The following CYRIA variants were observed in gnomAD, a reference collection of about 807,000 sequenced individuals.
CYRIA encodes CYFIP-related Rac1 interactor A.
CYRIA carries 15 observed loss-of-function variants against 43.9 expected under a neutral mutation model. That is an observed-to-expected ratio of 0.34 (90% CI 0.23 to 0.53). The LOEUF (loss-of-function observed/expected upper bound fraction) is 0.53. CYRIA is among the 20% of genes least tolerant of loss of function. CYRIA has a pLI of 0.94. For missense variants in CYRIA, 236 were observed against 394.2 expected (o/e 0.60, Z 3.40); for synonymous variants, 117 against 136.0 (o/e 0.86, Z 0.97).
intron 9 of CYRIA, 197 bp downstream of exon 9, chr2:16,560,793 T>G (rs1472416222): frequency 2.0e-5 from 12 of 590,588 alleles, no homozygotes. Context: ...GTCAACCACT[T>G]TGGGCCTCAG....
chr2:16,562,774 C>T (rs1666787565), intron 5 of CYRIA, among the ~76,000 whole-genome samples: 1 of 152,104 alleles, frequency 6.6e-6, no homozygotes, highest in Non-Finnish European at 1.5e-5. Context: ...CAAGGTATGA[C>T]CCATCAGCCA....
intron 2 of CYRIA, among the ~76,000 whole-genome samples, chr2:16,605,785 C>A (rs1395329326): frequency 6.6e-6 from 1 of 152,182 alleles, no homozygotes; most frequent in Non-Finnish European, 1.5e-5. Context: ...CTTCAGAATT[C>A]ATTCTCAAGT....
At chr2:16,638,568 TG>T (rs1409146394) in intron 1 of CYRIA, among the ~76,000 whole-genome samples, 1 of 152,092 alleles carries the variant, frequency 6.6e-6, no homozygotes, top group African/African-American at 2.4e-5. Flanking sequence ...TGAGGAACTC[TG>T]CATGAAGGGG....
intron 7 of CYRIA, 45 bp from the exon 8 acceptor site, chr2:16,561,322 C>G (rs1452018483): frequency 6.7e-7 from 1 of 1,499,294 alleles, no homozygotes; most frequent in Non-Finnish European, 9.3e-7. Context: ...AGAGAAAGTC[C>G]AAATCCTCCA....
intron 2 of CYRIA, among the ~76,000 whole-genome samples, chr2:16,599,597 C>T (rs1490272440): frequency 8.5e-5 from 12 of 140,366 alleles, no homozygotes; most frequent in Admixed American, 1.4e-4. Context: ...GGCTCGCGCA[C>T]GGTGCGCACA....
intron 1 of CYRIA, among the ~76,000 whole-genome samples, chr2:16,633,438 G>A (rs919143868): frequency 2.6e-5 from 4 of 151,874 alleles, no homozygotes; most frequent in Admixed American, 2.6e-4. Flanking sequence ...TTTTGAGACA[G>A]GGTCTCGTTC....
intron 2 of CYRIA, among the ~76,000 whole-genome samples, chr2:16,616,515 T>C (rs942925340): frequency 6.6e-6 from 1 of 152,158 alleles, no homozygotes; most frequent in East Asian, 1.9e-4. Flanking sequence ...GCCTCTGGAA[T>C]CCTAAGACCT....
intron 2 of CYRIA, among the ~76,000 whole-genome samples, chr2:16,606,910 A>T (rs10200573): frequency 0.21 from 31,199 of 152,002 alleles, 4,127 homozygotes; most frequent in African/African-American, 0.37. Context: ...TCCCAGGTCA[A>T]ATTTATTTTG....
chr2:16,635,380 T>G (rs1286332488), intron 1 of CYRIA, among the ~76,000 whole-genome samples: 2 of 152,172 alleles, frequency 1.3e-5, no homozygotes, highest in African/African-American at 2.4e-5. Flanking sequence ...GCAGGAACCC[T>G]GGGAGGGCAG....
chr2:16,584,922 C>T (rs1363457308), intron 3 of CYRIA, among the ~76,000 whole-genome samples: 2 of 152,110 alleles, frequency 1.3e-5, no homozygotes, highest in African/African-American at 2.4e-5. Flanking sequence ...TTTTTCCTTC[C>T]TTACTGTCAT....
At chr2:16,653,334 C>T (rs1489108355) in intron 1 of CYRIA, among the ~76,000 whole-genome samples, 1 of 152,220 alleles carries the variant, frequency 6.6e-6, no homozygotes, top group East Asian at 1.9e-4. Flanking sequence ...TTGGCCCTCG[C>T]TGAGGCTCAG....
At chr2:16,647,137 C>T (rs542443904) in intron 1 of CYRIA, among the ~76,000 whole-genome samples, 64 of 152,262 alleles carry the variant, frequency 4.2e-4, no homozygotes, top group African/African-American at 1.5e-3. Flanking sequence ...TTAATGCATA[C>T]CAGGTAACAG....
intron 3 of CYRIA, among the ~76,000 whole-genome samples, chr2:16,577,573 G>T (rs1667394928): frequency 1.3e-5 from 2 of 152,182 alleles, no homozygotes; most frequent in Non-Finnish European, 2.9e-5. Flanking sequence ...TTTCAAGTTT[G>T]ACAGAGAAAT....
chr2:16,577,062 C>T (rs1455600843), intron 3 of CYRIA, among the ~76,000 whole-genome samples: 1 of 152,022 alleles, frequency 6.6e-6, no homozygotes, highest in Non-Finnish European at 1.5e-5. Flanking sequence ...TTCCATTATG[C>T]AAGATAAATA....
At chr2:16,600,372 C>G (rs1480815246) in intron 2 of CYRIA, among the ~76,000 whole-genome samples, 2 of 152,156 alleles carry the variant, frequency 1.3e-5, no homozygotes, top group African/African-American at 4.8e-5. Flanking sequence ...AATCTGATAA[C>G]AGTTTGGGTG....
At chr2:16,632,636 G>A (rs1669362952) in intron 1 of CYRIA, among the ~76,000 whole-genome samples, 1 of 152,174 alleles carries the variant, frequency 6.6e-6, no homozygotes, top group Admixed American at 6.5e-5. Context: ...CTTTCACAAA[G>A]CAGGCACGGG....
chr2:16,644,028 C>T (rs1244754242), intron 1 of CYRIA, among the ~76,000 whole-genome samples: 1 of 152,224 alleles, frequency 6.6e-6, no homozygotes, highest in African/African-American at 2.4e-5. Flanking sequence ...TCTGTGCCAA[C>T]ATCTCAGGGC....
chr2:16,603,866 C>T (rs1400758507), intron 2 of CYRIA, among the ~76,000 whole-genome samples: 2 of 152,208 alleles, frequency 1.3e-5, no homozygotes, highest in African/African-American at 4.8e-5. Flanking sequence ...CGTCATGAGC[C>T]TTTCAGAAAG....
At chr2:16,598,798 G>T (rs1189123015) in intron 2 of CYRIA, among the ~76,000 whole-genome samples, 2 of 119,978 alleles carry the variant, frequency 1.7e-5, no homozygotes, top group African/African-American at 4.4e-5. Context: ...TTTGGAGGAG[G>T]AGAGGTGCTC....
Sources: allele counts gnomAD v4.1 joint callset (sites outside exome capture counted in the v4.1 genomes callset), GRCh38; gene constraint gnomAD v4.1.1; transcripts MANE v1.5; gene names NCBI Gene and HGNC (gene_info 2026-07-23, HGNC 2026-07-21).